Variants in HEATR5B observed in about 807,000 individuals in gnomAD.
HEATR5B encodes HEAT repeat containing 5B, also known as HEAT repeat-containing protein 5B.
HEATR5B carries 156 observed loss-of-function variants against 224.1 expected under a neutral mutation model. That is an observed-to-expected ratio of 0.70 (90% CI 0.61 to 0.80). HEATR5B has a LOEUF of 0.80. HEATR5B is among the 30% of genes least tolerant of loss of function. The pLI is 0.00. For synonymous variants in HEATR5B, 1,027 were observed against 893.0 expected (o/e 1.15, Z -2.68); for missense variants, 2,323 against 2,535.5 (o/e 0.92, Z 1.80).
At chr2:36,996,164 G>A (rs1443541919) in intron 33 of HEATR5B, among the ~76,000 whole-genome samples, 1 of 151,466 alleles carries the variant, frequency 6.6e-6, no homozygotes, top group African/African-American at 2.4e-5. Flanking sequence ...AGGTTCAAGC[G>A]ATTCTTCTGC....
At chr2:36,995,716 T>C (rs72873844) in intron 33 of HEATR5B, among the ~76,000 whole-genome samples, 24,704 of 152,212 alleles carry the variant, frequency 0.16, 2,208 homozygotes, top group African/African-American at 0.21. Context: ...GTTATAAACA[T>C]GGTACTTAAT....
In HEATR5B at chr2:37,082,052, C is replaced by CTTTTTTTTTTTTTTTTTTTTTTTT. The variant is rs61036576; in HGVS notation, c.126+1213_126+1236dup. The stretch of plus-strand genomic sequence containing the variant: ...ATCAGACATTTGAGGGAAGTATCTA[C>CTTTTTTTTTTTTTTTTTTTTTTTT]TTTTTTTTTTTTTTTTTTTTTTTTT... On this transcript the variant is annotated intron_variant, in intron 2 of 35. Coordinates refer to ENST00000233099, the MANE Select transcript of HEATR5B (RefSeq NM_019024.3). 8.4e-5 allele frequency among the ~76,000 whole-genome samples: 2 copies of CTTTTTTTTTTTTTTTTTTTTTTTT among 23,944 alleles called. 1 individual carries two copies. Among genetic ancestry groups the CTTTTTTTTTTTTTTTTTTTTTTTT allele is most frequent in the East Asian group, 5.1e-3 (2 of 396 alleles). The allele number at this position is 23,944 out of a possible 152,430, so 15.7% of individuals were successfully genotyped here.
chr2:37,059,457 T>C (rs1671133484), intron 12 of HEATR5B, among the ~76,000 whole-genome samples: 1 of 112,350 alleles, frequency 8.9e-6, no homozygotes, highest in Non-Finnish European at 1.8e-5. Flanking sequence ...TATATATATA[T>C]ATATATATTT....
intron 26 of HEATR5B, among the ~76,000 whole-genome samples, chr2:37,014,366 G>A (rs908178095): frequency 1.3e-5 from 2 of 151,738 alleles, no homozygotes; most frequent in African/African-American, 4.8e-5. Context: ...GTTTCACTGT[G>A]TTAGCCAGGA....
intron 3 of HEATR5B, 67 bp downstream of exon 3, chr2:37,079,053 T>C (rs1672396342): frequency 1.5e-5 from 14 of 951,252 alleles, no homozygotes; most frequent in Non-Finnish European, 2.2e-5. Flanking sequence ...TGGTCCATAG[T>C]CTCCTACTAA....
chr2:36,986,056 T>C (rs1377108363), intron 35 of HEATR5B, among the ~76,000 whole-genome samples: 2 of 152,102 alleles, frequency 1.3e-5, no homozygotes, highest in African/African-American at 4.8e-5. Context: ...AAGGAATTGA[T>C]CCCAAGAGTC....
intron 19 of HEATR5B, 24 bp downstream of exon 19, chr2:37,041,109 A>G: frequency 1.3e-6 from 2 of 1,580,466 alleles, no homozygotes; most frequent in African/African-American, 1.4e-5. Context: ...AACTTTTGTA[A>G]TAAAAAAACC....
intron 22 of HEATR5B, 60 bp from the exon 23 acceptor site, chr2:37,028,980 A>T: frequency 6.5e-7 from 1 of 1,528,652 alleles, no homozygotes; most frequent in African/African-American, 1.4e-5. Context: ...TATAGGTAAC[A>T]ATTATGATAA....
intron 35 of HEATR5B, among the ~76,000 whole-genome samples, chr2:36,982,444 G>A (rs1359268143): frequency 3.3e-5 from 5 of 152,098 alleles, no homozygotes; most frequent in Admixed American, 2.6e-4. Flanking sequence ...TCCATCCTGG[G>A]ATATAAGTTT....
chr2:37,073,458 G>T (rs1258625589), intron 5 of HEATR5B, among the ~76,000 whole-genome samples: 1 of 152,130 alleles, frequency 6.6e-6, no homozygotes, highest in Non-Finnish European at 1.5e-5. Flanking sequence ...TGGCCAGGCT[G>T]GTCTTAAACT....
At chr2:37,022,405 C>T (rs1409907216) in intron 24 of HEATR5B, among the ~76,000 whole-genome samples, 2 of 152,138 alleles carry the variant, frequency 1.3e-5, no homozygotes, top group Non-Finnish European at 2.9e-5. Context: ...TCTCAAACTC[C>T]TGACCTTGTG....
intron 10 of HEATR5B, 150 bp from the exon 11 acceptor site, chr2:37,062,200 G>GTGGAT: frequency 3.8e-6 from 2 of 529,352 alleles, no homozygotes; most frequent in Non-Finnish European, 6.8e-6. Context: ...GCTGAGGCAG[G>GTGGAT]CAGATTGCCT....
At chr2:36,985,800 G>A (rs920767060) in intron 35 of HEATR5B, among the ~76,000 whole-genome samples, 8 of 151,822 alleles carry the variant, frequency 5.3e-5, no homozygotes, top group African/African-American at 1.9e-4. Context: ...CATTAATAAT[G>A]CTACAAATTG....
intron 17 of HEATR5B, among the ~76,000 whole-genome samples, chr2:37,052,464 C>G (rs1405113455): frequency 6.6e-6 from 1 of 152,206 alleles, no homozygotes; most frequent in Non-Finnish European, 1.5e-5. Context: ...TGCGATGGGA[C>G]AGCAAAACTA....
At chr2:37,074,137 C>G (rs371700543) in intron 5 of HEATR5B, among the ~76,000 whole-genome samples, 4 of 151,846 alleles carry the variant, frequency 2.6e-5, no homozygotes, top group African/African-American at 9.7e-5. Context: ...CTGGCTAACA[C>G]GGTGAAACCC....
intron 16 of HEATR5B, among the ~76,000 whole-genome samples, chr2:37,054,362 G>C (rs897490369): frequency 1.3e-4 from 20 of 150,706 alleles, no homozygotes; most frequent in African/African-American, 4.6e-4. Context: ...TGTATTTTTA[G>C]TAGAGACTGG....
At chr2:37,029,065 GT>G in intron 22 of HEATR5B, 145 bp from the exon 23 acceptor site, 1 of 686,432 alleles carries the variant, frequency 1.5e-6, no homozygotes, top group Non-Finnish European at 2.4e-6. Flanking sequence ...ATGGCCTCTA[GT>G]TTACATATCT....
At chr2:37,074,094 G>A (rs1381886388) in intron 5 of HEATR5B, among the ~76,000 whole-genome samples, 1 of 152,068 alleles carries the variant, frequency 6.6e-6, no homozygotes, top group East Asian at 1.9e-4. Context: ...GGCCGAGGTG[G>A]GCGGATCACG....
chr2:37,002,090 A>G (rs143326848), intron 32 of HEATR5B, among the ~76,000 whole-genome samples: 1 of 152,306 alleles, frequency 6.6e-6, no homozygotes, highest in African/African-American at 2.4e-5. Flanking sequence ...CTTATTTGAA[A>G]CACATCTGAA....
Sources: allele counts gnomAD v4.1 joint callset (sites outside exome capture counted in the v4.1 genomes callset), GRCh38; gene constraint gnomAD v4.1.1; transcripts MANE v1.5; gene names NCBI Gene and HGNC (gene_info 2026-07-23, HGNC 2026-07-21).